ATG3: variants seen among roughly 807,000 people sequenced by gnomAD.
The protein encoded by ATG3 is ubiquitin-like-conjugating enzyme ATG3.
Under a neutral mutation model 50.7 loss-of-function variants are expected in ATG3, and 25 were observed. That is an observed-to-expected ratio of 0.49 (90% CI 0.36 to 0.69). The LOEUF is 0.69. Ranked by LOEUF, ATG3 falls within the 30% of genes least tolerant of loss-of-function variation. The probability of loss-of-function intolerance (pLI) is 0.00; values close to 1 mark genes in which losing one functional copy is unlikely to be tolerated. For missense variants in ATG3, 281 were observed against 376.0 expected, an observed-to-expected ratio of 0.75 and a Z score of 2.09; for synonymous variants, 119 against 125.5, an observed-to-expected ratio of 0.95 and a Z score of 0.34.
intron 2 of ATG3, among the ~76,000 whole-genome samples, chr3:112,557,470 T>G (rs1047179520): frequency 6.6e-6 from 1 of 152,168 alleles, no homozygotes; most frequent in African/African-American, 2.4e-5. Context: ...GTACAAAACT[T>G]AGCTGGGCGT....
At chr3:112,555,433 T>C (rs1354765183) in intron 2 of ATG3, among the ~76,000 whole-genome samples, 1 of 152,208 alleles carries the variant, frequency 6.6e-6, no homozygotes, top group Non-Finnish European at 1.5e-5. Flanking sequence ...AGAATCAATA[T>C]TTACACCTTG....
chr3:112,533,591 C>G, intron 11 of ATG3: 1 of 985,278 alleles, frequency 1.0e-6, no homozygotes, highest in Non-Finnish European at 1.2e-6. Context: ...AAACCACCAC[C>G]AAGTCAAGTA....
chr3:112,540,348 T>C (rs956378252), intron 7 of ATG3, among the ~76,000 whole-genome samples: 9 of 152,362 alleles, frequency 5.9e-5, no homozygotes, highest in Non-Finnish European at 1.2e-4. Context: ...CTTCTACTTC[T>C]GCATGCTACA....
At chr3:112,544,636 A>C (rs1933322932) in intron 5 of ATG3, among the ~76,000 whole-genome samples, 1 of 108,642 alleles carries the variant, frequency 9.2e-6, no homozygotes, top group Admixed American at 1.3e-4. Flanking sequence ...CCTGGGCGAC[A>C]AGAGCGAAAC....
intron 4 of ATG3, among the ~76,000 whole-genome samples, chr3:112,549,057 GT>G (rs1052455263): frequency 1.6e-4 from 24 of 152,146 alleles, no homozygotes; most frequent in African/African-American, 5.8e-4. Flanking sequence ...GTGAACTCTT[GT>G]TTTCAAGGCT....
chr3:112,534,121 T>C, intron 11 of ATG3, 148 bp downstream of exon 11: 1 of 1,406,644 alleles, frequency 7.1e-7, no homozygotes. Flanking sequence ...TAACATTTTC[T>C]AAATAAATGA....
At chr3:112,544,004 G>T in intron 6 of ATG3, 53 bp downstream of exon 6, 1 of 1,339,822 alleles carries the variant, frequency 7.5e-7, no homozygotes, top group Non-Finnish European at 1.1e-6. Context: ...TAGATAGATA[G>T]ATAGGCAAAT....
chr3:112,549,000 C>G (rs1436628383), intron 4 of ATG3, among the ~76,000 whole-genome samples: 1 of 152,168 alleles, frequency 6.6e-6, no homozygotes, highest in Admixed American at 6.5e-5. Context: ...AATGGCTTTA[C>G]TTTCAGAACA....
chr3:112,538,110 A>G, intron 8 of ATG3, 36 bp downstream of exon 8: 1 of 1,491,748 alleles, frequency 6.7e-7, no homozygotes, highest in Non-Finnish European at 9.2e-7. Context: ...AAGTTCATCC[A>G]TTAAAAATTA....
chr3:112,542,812 T>C (rs1933266984), intron 6 of ATG3, among the ~76,000 whole-genome samples: 2 of 152,030 alleles, frequency 1.3e-5, no homozygotes, highest in African/African-American at 2.4e-5. Flanking sequence ...ACTAAAGGAA[T>C]TACCATAAGC....
In ATG3 at chr3:112,541,852, T is replaced by TA; in HGVS notation, c.425dup (p.Cys143MetfsTer2). On this transcript the variant is annotated frameshift_variant, in exon 7 of 12. Coordinates refer to ENST00000283290, the MANE Select transcript of ATG3 (RefSeq NM_022488.5). LOFTEE classifies it high-confidence loss of function. ...CATCTTCATCTTCTTCCTCTTCACATAGTGCTGAGCAATCTTGAAGCCTTA... is the reference window on the plus strand; with the variant it reads ...CATCTTCATCTTCTTCCTCTTCACATAAGTGCTGAGCAATCTTGAAGCCTTA... The TA allele has an allele frequency of 1.2e-6, 2 of 1,612,594 alleles. No individual in the cohort carries two copies. The highest frequency in any genetic ancestry group is 1.7e-6 in the Non-Finnish European group (2 of 1,179,678).
chr3:112,537,956 C>A, intron 8 of ATG3, 66 bp from the exon 9 acceptor site: 1 of 1,440,474 alleles, frequency 6.9e-7, no homozygotes, highest in Non-Finnish European at 9.5e-7. Flanking sequence ...TTCTAGAAAA[C>A]TTATTTTTTC....
At chr3:112,544,748 A>C (rs1933328388) in intron 5 of ATG3, among the ~76,000 whole-genome samples, 1 of 152,030 alleles carries the variant, frequency 6.6e-6, no homozygotes. Flanking sequence ...TTTCTCAAAA[A>C]GCTATTAGTT....
intron 5 of ATG3, among the ~76,000 whole-genome samples, chr3:112,545,637 G>A (rs1055338797): frequency 3.3e-5 from 5 of 152,182 alleles, no homozygotes; most frequent in African/African-American, 1.2e-4. Context: ...TTTAACATAC[G>A]AATTGACTGC....
chr3:112,538,143 A>G lies in ATG3; in HGVS notation c.510+3T>C, dbSNP rs745656685. 1 of 1,574,674 alleles carries G rather than the reference A, an allele frequency of 6.4e-7. No individual in the cohort carries two copies. Among genetic ancestry groups the G allele is most frequent in the Non-Finnish European group, 8.7e-7 (1 of 1,155,922 alleles). The stretch of plus-strand genomic sequence containing the variant: ...TTAACTAAAGAAAACTCAATTTACA[A>G]ACCTCATCTGTTTCCAACAATCCAC... On this transcript the variant is annotated splice_donor_region_variant and intron_variant, in intron 8 of 11. Transcript: ENST00000283290.
At chr3:112,548,670 T>C (rs760109653) in intron 4 of ATG3, 30 bp from the exon 5 acceptor site, 2 of 1,564,958 alleles carry the variant, frequency 1.3e-6, no homozygotes, top group Non-Finnish European at 1.8e-6. Context: ...TACAGTTAAC[T>C]AGCACGTAAT....
intron 10 of ATG3, chr3:112,535,132 A>C (rs1932986401): frequency 6.6e-6 from 1 of 152,160 alleles, no homozygotes; most frequent in Non-Finnish European, 1.5e-5. Context: ...AACCAAGAAA[A>C]AGATAATTTT....
At chr3:112,557,627 A>G (rs1277413348) in intron 2 of ATG3, among the ~76,000 whole-genome samples, 1 of 152,188 alleles carries the variant, frequency 6.6e-6, no homozygotes, top group Non-Finnish European at 1.5e-5. Context: ...AAGAAAAAAA[A>G]ATTAAAAAAA....
In ATG3 at chr3:112,556,562, T is replaced by C. The variant is rs532053095; in HGVS notation, c.114+1814A>G. 2.6e-5 allele frequency among the ~76,000 whole-genome samples: 4 copies of C among 152,154 alleles called. No homozygotes were observed. In the East Asian group the frequency reaches 7.7e-4, roughly 29 times the overall value. On this transcript the variant is annotated intron_variant, in intron 2 of 11. Transcript: ENST00000283290. ...CATTGAGAACGGGCCATGATGACAA[T>C]GGCGGTTTTGTGGAATAGAAAGGGG... is the stretch of plus-strand genomic sequence containing the variant.
Sources: allele counts gnomAD v4.1 joint callset (sites outside exome capture counted in the v4.1 genomes callset), GRCh38; gene constraint gnomAD v4.1.1; transcripts MANE v1.5; gene names NCBI Gene and HGNC (gene_info 2026-07-23, HGNC 2026-07-21).